Variants in MFSD6 observed in about 807,000 individuals in gnomAD.
MFSD6 encodes the protein major facilitator superfamily domain-containing protein 6.
A neutral mutation model predicts 56.3 loss-of-function variants in MFSD6; 26 were observed. The observed-to-expected ratio is 0.46, with a 90% confidence interval of 0.34 to 0.64. The LOEUF is 0.64. Among genes scored for constraint, MFSD6 ranks in the 30% least tolerant of loss-of-function variants. The probability of loss-of-function intolerance (pLI) is 0.01; values close to 1 mark genes in which losing one functional copy is unlikely to be tolerated. For synonymous variants in MFSD6, 331 were observed against 366.9 expected (o/e 0.90, Z 1.12); for missense variants, 750 against 986.2 (o/e 0.76, Z 3.21).
Position 190,436,556 on chromosome 2 carries a change from T to C in MFSD6, c.527T>C (p.Leu176Ser). The C allele has an allele frequency of 6.2e-7, 1 of 1,614,236 alleles. No individual in the cohort carries two copies. The highest frequency in any genetic ancestry group is 8.5e-7 in the Non-Finnish European group (1 of 1,180,042). ...CACCCCACCAATGCAAGTCACCAGT[T>C]AACTATCCTGCCAACAAATTCTTCC... is the stretch of plus-strand genomic sequence containing the variant. ...TTHPTNASHQ[L>S]TILPTNSSFT... The change falls in exon 3 of 8, where the codon TTA (leucine) becomes TCA (serine). Residue 176 changes from leucine (L) to serine (S), a missense_variant. Physicochemically the swap from Leu to Ser is moderately radical, Grantham distance 145 (BLOSUM62 -2). Around this residue, in one of 5 missense-constraint regions of MFSD6, gnomAD observed 376 missense variants for 437.9 expected, o/e 0.86. Transcript: ENST00000392328. This position sits in a 1 kb window ranked among gnomAD's most constrained non-coding sequence, Gnocchi z 5.3.
intron 4 of MFSD6, among the ~76,000 whole-genome samples, chr2:190,482,414 TA>T: frequency 6.6e-6 from 1 of 151,828 alleles, no homozygotes; most frequent in Non-Finnish European, 1.5e-5. Context: ...TTTTTTTTTT[TA>T]ATCCCAGAAC....
chr2:190,440,294 C>CAGT (rs1686324397), intron 3 of MFSD6, among the ~76,000 whole-genome samples: 1 of 152,224 alleles, frequency 6.6e-6, no homozygotes, highest in African/African-American at 2.4e-5. Flanking sequence ...TTCTCAGGGA[C>CAGT]TGACCTGTCA....
intron 4 of MFSD6, among the ~76,000 whole-genome samples, chr2:190,470,758 A>G (rs763980588): frequency 4.5e-4 from 69 of 152,356 alleles, no homozygotes; most frequent in Non-Finnish European, 8.7e-4. Flanking sequence ...TCAGTCTTTT[A>G]AAATGAAAGA....
chr2:190,416,660 C>T lies in MFSD6; in HGVS notation c.-54+1247C>T, dbSNP rs1011083900. 6.6e-6 allele frequency among the ~76,000 whole-genome samples: 1 copy of T among 152,026 alleles called. No homozygotes were observed. The highest frequency in any genetic ancestry group is 2.4e-5 in the African/African-American group (1 of 41,370). On this transcript the variant is annotated intron_variant, in intron 2 of 7. Transcript: ENST00000392328. This position sits in a 1 kb window ranked among gnomAD's most constrained non-coding sequence, Gnocchi z 4.1. ...TTTTGGCATAATTGCAAAATAAGAC[C>T]CAGAGTTTTAATGAAATATCTGGAA...
In MFSD6 at chr2:190,408,694, G is replaced by GCTCC. The variant is rs138138355; in HGVS notation, c.-176+209_-176+212dup. ...TCCGCTCGGGCCTCGCTCGCCCGCCGCTCCCTCCCTCCCTCCCTCCCCCGG... is the reference window on the plus strand; with the variant it reads ...TCCGCTCGGGCCTCGCTCGCCCGCCGCTCCCTCCCTCCCTCCCTCCCTCCCCCGG... On this transcript the variant is annotated intron_variant, in intron 1 of 7. Transcript: ENST00000392328. Among the ~76,000 whole-genome samples, 1,086 of 151,512 alleles carry GCTCC rather than the reference G, an allele frequency of 7.2e-3. 27 individuals carry two copies. Among genetic ancestry groups the GCTCC allele is most frequent in the African/African-American group, 0.025 (1,019 of 41,228 alleles).
Position 190,500,143 on chromosome 2 carries a change from C to T in MFSD6, c.2301C>T (p.Pro767=), listed in dbSNP as rs767090192. The T allele has an allele frequency of 8.1e-6, 13 of 1,614,012 alleles. No individual in the cohort carries two copies. Among genetic ancestry groups the T allele is most frequent in the African/African-American group, 5.3e-5 (4 of 74,898 alleles). The change falls in exon 8 of 8, where the codon CCC becomes CCT. Residue 767 remains proline, a synonymous_variant. Coordinates refer to ENST00000392328, the MANE Select transcript of MFSD6 (RefSeq NM_017694.4). This position sits in a 1 kb window ranked among gnomAD's most constrained non-coding sequence, Gnocchi z 5.3. ...DAAASQTQTS[P]AHPSVDPCTE... Reference sequence around the variant, plus strand: ...CAGCATCTCAGACGCAGACCAGCCCCGCTCACCCCAGTGTGGACCCGTGCA... The same window carrying T: ...CAGCATCTCAGACGCAGACCAGCCCTGCTCACCCCAGTGTGGACCCGTGCA...
rs1686069080 is a variant in MFSD6 at position 190,433,273 on chromosome 2, G to T, written c.-53-2704G>T. On this transcript the variant is annotated intron_variant, in intron 2 of 7. Transcript: ENST00000392328. This position sits in a 1 kb window ranked among gnomAD's most constrained non-coding sequence, Gnocchi z 4.5. The stretch of plus-strand genomic sequence containing the variant: ...ATGTTTCTTTGAATTTTGAGCTCAG[G>T]AATTAAATTAATTTAGAAAATAGAT... The T allele has an allele frequency of 6.6e-6, 1 of 152,058 alleles. No individual in the cohort carries two copies. 9.4% of individuals were successfully genotyped at this position (152,058 alleles called of 1,614,324 possible).
intron 4 of MFSD6, among the ~76,000 whole-genome samples, chr2:190,474,001 T>C (rs1343836274): frequency 6.6e-6 from 1 of 152,104 alleles, no homozygotes; most frequent in African/African-American, 2.4e-5. Flanking sequence ...GAAATAAAGA[T>C]GCTCTTTGAA....
intron 4 of MFSD6, among the ~76,000 whole-genome samples, chr2:190,479,325 A>G (rs1052446000): frequency 6.6e-6 from 1 of 152,214 alleles, no homozygotes; most frequent in Non-Finnish European, 1.5e-5. Flanking sequence ...GGCAACTGGT[A>G]ATACCATATA....
In MFSD6 at chr2:190,489,703, G is replaced by A. The variant is rs140248449; in HGVS notation, c.1793-65G>A. On this transcript the variant is annotated intron_variant, in intron 5 of 7. Coordinates refer to ENST00000392328, the MANE Select transcript of MFSD6 (RefSeq NM_017694.4). This position sits in a 1 kb window ranked among gnomAD's most constrained non-coding sequence, Gnocchi z 6.6. ...TTGCTTTGATCTTTAGAAAACTGAT[G>A]GTTTTAGATGAGCGCTATCTGCATT... 4.4e-5 allele frequency: 63 copies of A among 1,427,674 alleles called. No homozygotes were observed. The East Asian group carries it at 1.4e-3, about 33-fold the overall frequency. 88.4% of individuals were successfully genotyped at this position (1,427,674 alleles called of 1,614,324 possible). A position where few individuals can be genotyped will look rare whatever the true frequency, so the allele number is the denominator to read the frequency against.
intron 4 of MFSD6, among the ~76,000 whole-genome samples, chr2:190,480,710 C>G (rs549908906): frequency 6.6e-6 from 1 of 152,322 alleles, no homozygotes; most frequent in South Asian, 2.1e-4. Context: ...AGCTCTGTGT[C>G]TTTGGACAAA....
intron 4 of MFSD6, among the ~76,000 whole-genome samples, chr2:190,476,127 A>G (rs1168316734): frequency 2.6e-5 from 4 of 152,162 alleles, no homozygotes; most frequent in Non-Finnish European, 5.9e-5. Flanking sequence ...AAACCTAGGC[A>G]ATACCATTCA....
In MFSD6 at chr2:190,500,119, A is replaced by G; in HGVS notation, c.2277A>G (p.Ala759=). The G allele has an allele frequency of 6.2e-7, 1 of 1,614,208 alleles. No homozygotes were observed. ...GAAACCAGCCATCCCCTGACGCAGC[A>G]GCATCTCAGACGCAGACCAGCCCCG... ...PSRNQPSPDA[A]ASQTQTSPAH... is the part of the protein sequence containing the mutation. The change falls in exon 8 of 8, where the codon GCA becomes GCG. Residue 759 remains alanine, a synonymous_variant. Coordinates refer to ENST00000392328, the MANE Select transcript of MFSD6 (RefSeq NM_017694.4). This position sits in a 1 kb window ranked among gnomAD's most constrained non-coding sequence, Gnocchi z 5.3.
chr2:190,440,769 T>A (rs1156300760), intron 3 of MFSD6, among the ~76,000 whole-genome samples: 1 of 152,236 alleles, frequency 6.6e-6, no homozygotes, highest in Non-Finnish European at 1.5e-5. Context: ...CCGGGGGGGT[T>A]ACATTACCTA....
In MFSD6 at chr2:190,471,824, A is replaced by T. The variant is rs1687951996; in HGVS notation, c.1630+1969A>T. Reference sequence around the variant, plus strand: ...GGGTCCCTGACCCGCAAGTAGCCTAACTGGGAGGCACCCCCCAGTAGGGGC... The same window carrying T: ...GGGTCCCTGACCCGCAAGTAGCCTATCTGGGAGGCACCCCCCAGTAGGGGC... On this transcript the variant is annotated intron_variant, in intron 4 of 7. Transcript: ENST00000392328. This position sits in a 1 kb window ranked among gnomAD's most constrained non-coding sequence, Gnocchi z 4.7. Among the ~76,000 whole-genome samples the T allele has an allele frequency of 1.3e-5, 2 of 152,214 alleles. No homozygotes were observed. The highest frequency in any genetic ancestry group is 2.9e-5 in the Non-Finnish European group (2 of 68,028).
rs551029468 is a variant in MFSD6 at position 190,455,681 on chromosome 2, A to G, written c.1533-14077A>G. Among the ~76,000 whole-genome samples, 7 of 152,220 alleles carry G rather than the reference A, an allele frequency of 4.6e-5. No homozygotes were observed. In the South Asian group the frequency reaches 1.4e-3, roughly 32 times the overall value. On this transcript the variant is annotated intron_variant, in intron 3 of 7. Transcript: ENST00000392328. ...AAATGCTTAAAAATTGGAGAACATTATAGAATTGTTAGTATGGAGGGTGGG... is the reference window on the plus strand; with the variant it reads ...AAATGCTTAAAAATTGGAGAACATTGTAGAATTGTTAGTATGGAGGGTGGG...
At position 190,498,011 on chromosome 2, in the gene MFSD6, GT is replaced by G; in HGVS notation, c.2172+296del. 4.0e-6 allele frequency: 1 copy of G among 248,422 alleles called. No homozygotes were observed. Among genetic ancestry groups the G allele is most frequent in the Non-Finnish European group, 7.8e-6 (1 of 128,622 alleles). The allele number at this position is 248,422 out of a possible 1,614,324, so 15.4% of individuals were successfully genotyped here. Reference sequence around the variant, plus strand: ...TAATCCATTCTTTCATTGTATATTTGTTTTAAATTTCAGTATTGATGGTTGT... The same window carrying G: ...TAATCCATTCTTTCATTGTATATTTGTTTAAATTTCAGTATTGATGGTTGT... On this transcript the variant is annotated intron_variant, in intron 7 of 7. Coordinates refer to ENST00000392328, the MANE Select transcript of MFSD6 (RefSeq NM_017694.4). This position sits in a 1 kb window ranked among gnomAD's most constrained non-coding sequence, Gnocchi z 5.9.
intron 2 of MFSD6, among the ~76,000 whole-genome samples, chr2:190,429,937 G>T (rs927259069): frequency 6.6e-6 from 1 of 151,794 alleles, no homozygotes; most frequent in Non-Finnish European, 1.5e-5. Flanking sequence ...ATGTTGGTGT[G>T]CTGCACCCAT....
At chr2:190,449,382 G>C (rs1686692737) in intron 3 of MFSD6, among the ~76,000 whole-genome samples, 1 of 152,050 alleles carries the variant, frequency 6.6e-6, no homozygotes, top group Non-Finnish European at 1.5e-5. Context: ...GCTGAGGCAG[G>C]AGAATCACTT....
Sources: allele counts gnomAD v4.1 joint callset (sites outside exome capture counted in the v4.1 genomes callset), GRCh38; gene constraint gnomAD v4.1.1; regional missense constraint gnomAD v4.1.1; non-coding constraint Gnocchi (gnomAD v3.1); transcripts MANE v1.5; gene names NCBI Gene and HGNC (gene_info 2026-07-23, HGNC 2026-07-21).